Variants in TCF20 observed in about 807,000 individuals in gnomAD.
The protein encoded by TCF20 is SPRE-binding protein.
In TCF20, 3 loss-of-function variants were observed where a neutral mutation model predicts 148.6. That is an observed-to-expected ratio of 0.02 (90% confidence interval 0.01 to 0.05). TCF20 has a LOEUF of 0.05. Among genes scored for constraint, TCF20 ranks in the 10% least tolerant of loss-of-function variants. The pLI is 1.00. For synonymous variants in TCF20, 1,049 were observed against 909.5 expected (o/e 1.15, Z -2.76); for missense variants, 2,350 against 2,429.3 (o/e 0.97, Z 0.69).
At chr22:42,309,578 C>T (rs1178427728) in intron 1 of TCF20, among the ~76,000 whole-genome samples, 4 of 152,118 alleles carry the variant, frequency 2.6e-5, no homozygotes, top group East Asian at 1.9e-4. Context: ...TACCCATCTA[C>T]GGCTGCTGCA....
intron 1 of TCF20, among the ~76,000 whole-genome samples, chr22:42,311,845 A>G (rs1927542747): frequency 6.6e-6 from 1 of 152,204 alleles, no homozygotes. Context: ...AGCCCTGCAT[A>G]GTCAAGACAG....
intron 1 of TCF20, among the ~76,000 whole-genome samples, chr22:42,244,296 A>G (rs1555943536): frequency 6.6e-6 from 1 of 152,224 alleles, no homozygotes; most frequent in Non-Finnish European, 1.5e-5. Flanking sequence ...TATACTCAAA[A>G]TAAGTGAAAA....
chr22:42,308,581 G>A (rs749847391), intron 1 of TCF20, among the ~76,000 whole-genome samples: 5 of 152,122 alleles, frequency 3.3e-5, no homozygotes, highest in African/African-American at 9.7e-5. Context: ...TCTGCACAAC[G>A]TCCCCAGGGT....
intron 1 of TCF20, among the ~76,000 whole-genome samples, chr22:42,241,754 G>A (rs915628768): frequency 2.0e-5 from 3 of 152,110 alleles, no homozygotes; most frequent in African/African-American, 7.2e-5. Flanking sequence ...TTGAACCCAG[G>A]AGGCAGAGGG....
intron 2 of TCF20, among the ~76,000 whole-genome samples, chr22:42,195,938 T>C (rs1284805216): frequency 6.6e-6 from 1 of 152,178 alleles, no homozygotes; most frequent in Non-Finnish European, 1.5e-5. Context: ...TCACCCCCCA[T>C]GCCAGGCATT....
chr22:42,228,769 G>A (rs908256408), intron 1 of TCF20, among the ~76,000 whole-genome samples: 1 of 152,162 alleles, frequency 6.6e-6, no homozygotes, highest in Non-Finnish European at 1.5e-5. Flanking sequence ...TTAGCACAGA[G>A]GTAGTATTTA....
intron 1 of TCF20, among the ~76,000 whole-genome samples, chr22:42,328,485 G>A (rs1052831194): frequency 6.6e-6 from 1 of 152,098 alleles, no homozygotes; most frequent in Non-Finnish European, 1.5e-5. Context: ...AGCCCCCCGT[G>A]AACCTGGTCT....
rs188388709 is a variant in TCF20, at chr22:42,174,818, A to G, written c.5749+4791T>C. Among the ~76,000 whole-genome samples, 328 of 152,062 alleles carry G rather than the reference A, an allele frequency of 2.2e-3. 1 individual carries two copies. The highest frequency in any genetic ancestry group is 0.01 in the Middle Eastern group (3 of 294). On this transcript the variant is annotated intron_variant, in intron 3 of 5. Transcript: ENST00000677622. ...TGGGGGGCCAAGGTGGGCAGATCAC[A>G]AGGTCAGGAGATCGAGACCATCCCG...
Position 42,304,691 on chromosome 22 carries a change from G to A in TCF20, c.-37+38788C>T, listed in dbSNP as rs560920836. 3.7e-4 allele frequency among the ~76,000 whole-genome samples: 57 copies of A among 152,258 alleles called. 1 individual carries two copies. The South Asian group carries it at 9.1e-3, about 24-fold the overall frequency. The stretch of plus-strand genomic sequence containing the variant: ...ATGTAATTCCATAGCTGGGGAAACC[G>A]AGGCAGAGAGGAGTGAAGTGACCTG... On this transcript the variant is annotated intron_variant, in intron 1 of 1. Transcript: ENST00000515426.
intron 1 of TCF20, among the ~76,000 whole-genome samples, chr22:42,283,661 C>T (rs1022270957): frequency 2.0e-5 from 3 of 152,002 alleles, no homozygotes; most frequent in Non-Finnish European, 2.9e-5. Flanking sequence ...GTAAAGGCCG[C>T]CCGGGAGGCC....
chr22:42,190,762 C>T (rs1937289578), intron 2 of TCF20, among the ~76,000 whole-genome samples: 1 of 144,940 alleles, frequency 6.9e-6, no homozygotes, highest in Non-Finnish European at 1.5e-5. Context: ...TCCCCACCCT[C>T]AGCTATCTGC....
At chr22:42,254,076 CAAAAAAAAAA>C (rs528387021) in intron 1 of TCF20, among the ~76,000 whole-genome samples, 28 of 53,590 alleles carry the variant, frequency 5.2e-4, no homozygotes, top group East Asian at 3.5e-3. Context: ...AACTCCCTTT[CAAAAAAAAAA>C]AAAAAAAAAA....
chr22:42,227,844 A>C (rs1005171293), intron 1 of TCF20, among the ~76,000 whole-genome samples: 8 of 152,240 alleles, frequency 5.3e-5, no homozygotes, highest in Non-Finnish European at 8.8e-5. Flanking sequence ...CATAAGAAGA[A>C]GACTGATGGC....
chr22:42,324,124 AT>A (rs1927819478), intron 1 of TCF20, among the ~76,000 whole-genome samples: 2 of 1,712 alleles, frequency 1.2e-3, no homozygotes. Flanking sequence ...GGTGGTGGTT[AT>A]GGTGGTGGTG....
intron 1 of TCF20, among the ~76,000 whole-genome samples, chr22:42,242,080 T>A (rs1051171706): frequency 6.7e-6 from 1 of 149,740 alleles, no homozygotes; most frequent in African/African-American, 2.5e-5. Flanking sequence ...TAAGTGCCTG[T>A]AAGTCCCAGC....
chr22:42,333,071 A>G lies in TCF20; in HGVS notation c.-37+10408T>C, dbSNP rs112678062. Among the ~76,000 whole-genome samples, 235 of 152,394 alleles carry G rather than the reference A, an allele frequency of 1.5e-3. 1 individual carries two copies. The highest frequency in any genetic ancestry group is 5.3e-3 in the African/African-American group (220 of 41,600). On this transcript the variant is annotated intron_variant, in intron 1 of 1. Transcript: ENST00000515426. Reference sequence around the variant, plus strand: ...TTAAGTTATACCTCCAAGAAAAAGTAAAAACAAAAGCCTGGCTGCGTCACT... The same window carrying G: ...TTAAGTTATACCTCCAAGAAAAAGTGAAAACAAAAGCCTGGCTGCGTCACT...
chr22:42,228,633 A>G (rs1045842985), intron 1 of TCF20, among the ~76,000 whole-genome samples: 28 of 152,252 alleles, frequency 1.8e-4, no homozygotes, highest in African/African-American at 6.3e-4. Context: ...AAGGGAATCA[A>G]GAGTGCTTTG....
intron 1 of TCF20, among the ~76,000 whole-genome samples, chr22:42,232,764 G>A (rs938155517): frequency 1.0e-4 from 15 of 146,814 alleles, no homozygotes; most frequent in Non-Finnish European, 1.5e-4. Flanking sequence ...GTGCCACTGC[G>A]CTCCAGCCTG....
chr22:42,166,815 ACATTC>A (rs1389259508), intron 5 of TCF20, among the ~76,000 whole-genome samples: 1 of 152,164 alleles, frequency 6.6e-6, no homozygotes, highest in Non-Finnish European at 1.5e-5. Flanking sequence ...CTTCTAGGAC[ACATTC>A]CAGGAATACG....
Sources: gnomAD v4.1 joint callset for allele counts (sites outside exome capture counted in the v4.1 genomes callset) on GRCh38, gnomAD v4.1.1 for gene constraint, MANE v1.5 for transcripts, NCBI Gene and HGNC (gene_info 2026-07-23, HGNC 2026-07-21) for gene names.